The following PTGER3 variants were observed in gnomAD, a reference collection of about 807,000 sequenced individuals.
PTGER3 encodes prostaglandin E receptor 3.
PTGER3 carries 22 observed loss-of-function variants against 34.7 expected under a neutral mutation model. That is an observed-to-expected ratio of 0.63 (90% CI 0.45 to 0.91). The LOEUF (loss-of-function observed/expected upper bound fraction) is 0.91. Among genes scored for constraint, PTGER3 ranks in the 40% least tolerant of loss-of-function variants. PTGER3 has a pLI of 0.00. For missense variants in PTGER3, 468 were observed against 519.4 expected (o/e 0.90, Z 0.96); for synonymous variants, 241 against 230.1 (o/e 1.05, Z -0.43).
At chr1:70,999,782 C>A (rs1251030256) in intron 2 of PTGER3, among the ~76,000 whole-genome samples, 2 of 152,134 alleles carry the variant, frequency 1.3e-5, no homozygotes, top group Non-Finnish European at 2.9e-5. Flanking sequence ...TTCTTAGTAA[C>A]CCAAATTGTG....
intron 4 of PTGER3, among the ~76,000 whole-genome samples, chr1:70,872,645 A>G (rs1404472050): frequency 6.6e-6 from 1 of 152,238 alleles, no homozygotes; most frequent in Non-Finnish European, 1.5e-5. Context: ...AGGTTTGTGT[A>G]GCATATATGA....
chr1:70,960,247 T>G (rs111917160), intron 2 of PTGER3, among the ~76,000 whole-genome samples: 1 of 152,198 alleles, frequency 6.6e-6, no homozygotes, highest in Non-Finnish European at 1.5e-5. Context: ...TATTTCATGA[T>G]GTCAACCCTA....
At chr1:70,974,709 C>A (rs535486809) in intron 2 of PTGER3, among the ~76,000 whole-genome samples, 3 of 152,256 alleles carry the variant, frequency 2.0e-5, no homozygotes, top group Non-Finnish European at 4.4e-5. Context: ...AACCACCCTC[C>A]AGCTGATTAT....
chr1:71,032,899 CA>C (rs1317153773), intron 1 of PTGER3, among the ~76,000 whole-genome samples: 4 of 152,134 alleles, frequency 2.6e-5, no homozygotes, highest in Non-Finnish European at 5.9e-5. Context: ...ACAATGACAA[CA>C]AAAAGTTTCT....
intron 4 of PTGER3, among the ~76,000 whole-genome samples, chr1:70,869,024 G>A (rs1256874050): frequency 6.6e-6 from 1 of 152,128 alleles, no homozygotes; most frequent in Non-Finnish European, 1.5e-5. Flanking sequence ...GCCGAACCAT[G>A]AGCCAATTAA....
At position 70,864,533 on chromosome 1, in the gene PTGER3, AG is replaced by A. The variant is rs150935618; in HGVS notation, c.*24-11675del. Reference sequence around the variant, plus strand: ...GGGTCTTACACCAAGGGAAAGGAAAAGCCAGAGATTCAGTCATTCCTCTGTA... The same window carrying A: ...GGGTCTTACACCAAGGGAAAGGAAAACCAGAGATTCAGTCATTCCTCTGTA... On this transcript the variant is annotated intron_variant, in intron 4 of 4. Transcript: ENST00000370931. Among the ~76,000 whole-genome samples, 1,184 of 152,318 alleles carry A rather than the reference AG, an allele frequency of 7.8e-3. 20 individuals carry two copies. Among genetic ancestry groups the A allele is most frequent in the African/African-American group, 0.027 (1,125 of 41,570 alleles).
At chr1:70,901,199 G>A (rs369834639) in intron 4 of PTGER3, among the ~76,000 whole-genome samples, 1 of 152,178 alleles carries the variant, frequency 6.6e-6, no homozygotes, top group African/African-American at 2.4e-5. Flanking sequence ...ACTGCTTTTG[G>A]AGTGGGGCAG....
intron 4 of PTGER3, among the ~76,000 whole-genome samples, chr1:70,865,141 G>T (rs1646012826): frequency 6.6e-6 from 1 of 152,204 alleles, no homozygotes; most frequent in Non-Finnish European, 1.5e-5. Flanking sequence ...AATTTCTGGT[G>T]AATTCCTGAA....
At chr1:70,984,841 TA>T (rs1654759059) in intron 2 of PTGER3, among the ~76,000 whole-genome samples, 1 of 152,182 alleles carries the variant, frequency 6.6e-6, no homozygotes, top group Non-Finnish European at 1.5e-5. Context: ...CAAAAACAGT[TA>T]AGAATAAAGT....
chr1:70,913,930 G>T (rs772536380), intron 4 of PTGER3, among the ~76,000 whole-genome samples: 2 of 151,808 alleles, frequency 1.3e-5, no homozygotes, highest in Non-Finnish European at 2.9e-5. Context: ...TATGTAGTTT[G>T]CACTCTTGTA....
intron 2 of PTGER3, among the ~76,000 whole-genome samples, chr1:70,964,479 G>T (rs1388225217): frequency 6.6e-6 from 1 of 152,232 alleles, no homozygotes; most frequent in African/African-American, 2.4e-5. Context: ...GAGGAGCAAA[G>T]TCATGTCTTA....
In PTGER3 at chr1:70,964,900, G is replaced by C. The variant is rs148452697; in HGVS notation, c.1078-11111C>G. Among the ~76,000 whole-genome samples, 145 of 152,284 alleles carry C rather than the reference G, an allele frequency of 9.5e-4. 2 individuals are homozygous for C. Among genetic ancestry groups the C allele is most frequent in the East Asian group, 7.5e-3 (39 of 5,184 alleles). On this transcript the variant is annotated intron_variant, in intron 2 of 3. Coordinates refer to the PTGER3 transcript ENST00000356595. The stretch of plus-strand genomic sequence containing the variant: ...ATACACCGTGATAGACACACCAGAC[G>C]TGGAAGTGAGAAATATGGTTCCCAT...
At chr1:70,881,211 A>G (rs1646383585) in intron 4 of PTGER3, among the ~76,000 whole-genome samples, 1 of 152,136 alleles carries the variant, frequency 6.6e-6, no homozygotes, top group Admixed American at 6.5e-5. Flanking sequence ...AGCTGTTAAT[A>G]CTGGTTGTAT....
downstream of PTGER3, among the ~76,000 whole-genome samples, chr1:70,967,954 T>G (rs369350441): frequency 2.8e-4 from 42 of 152,316 alleles, no homozygotes; most frequent in Middle Eastern, 6.8e-3. Flanking sequence ...TAAATATACC[T>G]TCTGACGGAA....
intron 4 of PTGER3, among the ~76,000 whole-genome samples, chr1:70,941,664 A>T (rs1649773329): frequency 6.6e-6 from 1 of 152,200 alleles, no homozygotes; most frequent in Non-Finnish European, 1.5e-5. Flanking sequence ...ATTAAGAGTT[A>T]CTAGAATTTT....
rs185828706 is a variant in PTGER3, at chr1:70,868,119, C to T, written c.*24-15260G>A. On this transcript the variant is annotated intron_variant, in intron 4 of 4. Transcript: ENST00000370931. Reference sequence around the variant, plus strand: ...TGTATATCCCAGGCTTTTGCATACACTGTCCCCACTACCTCCAATCTGTGT... The same window carrying T: ...TGTATATCCCAGGCTTTTGCATACATTGTCCCCACTACCTCCAATCTGTGT... Among the ~76,000 whole-genome samples the T allele has an allele frequency of 1.6e-4, 24 of 152,218 alleles. No homozygotes were observed. In the East Asian group the frequency reaches 4.2e-3, roughly 27 times the overall value.
chr1:70,950,887 T>C (rs1238190609), downstream of PTGER3: 1 of 152,066 alleles, frequency 6.6e-6, no homozygotes, highest in Non-Finnish European at 1.5e-5. Context: ...TTTGTTGTTG[T>C]TTTTATTTTG....
intron 4 of PTGER3, among the ~76,000 whole-genome samples, chr1:70,937,998 C>T (rs900095692): frequency 2.6e-5 from 4 of 151,968 alleles, no homozygotes; most frequent in Non-Finnish European, 5.9e-5. Flanking sequence ...ATTTTGGAGT[C>T]AAACTCAAAT....
intron 2 of PTGER3, among the ~76,000 whole-genome samples, chr1:70,959,192 T>C (rs1042632636): frequency 3.9e-5 from 6 of 152,220 alleles, no homozygotes; most frequent in African/African-American, 1.4e-4. Context: ...AAATTGTTTT[T>C]TCTATTTCTG....
Sources: gnomAD v4.1 joint callset for allele counts (sites outside exome capture counted in the v4.1 genomes callset) on GRCh38, gnomAD v4.1.1 for gene constraint, MANE v1.5 for transcripts, NCBI Gene and HGNC (gene_info 2026-07-23, HGNC 2026-07-21) for gene names.